Variants in TACC2 observed in about 807,000 individuals in gnomAD.
The protein encoded by TACC2 is transforming acidic coiled-coil containing protein 2.
In TACC2, 137 loss-of-function variants were observed where a neutral mutation model predicts 227.3. The observed-to-expected ratio is 0.60, with a 90% CI of 0.52 to 0.69. TACC2 has a LOEUF of 0.69. TACC2 is among the 30% of genes least tolerant of loss of function. The pLI, the probability that TACC2 is intolerant of heterozygous loss-of-function variation, is 0.00. For missense variants in TACC2, 3,470 were observed against 3,694.4 expected (o/e 0.94, Z 1.57); for synonymous variants, 1,523 against 1,487.5 (o/e 1.02, Z -0.55).
At chr10:122,197,280 A>C (rs2094604838) in intron 8 of TACC2, among the ~76,000 whole-genome samples, 6 of 152,120 alleles carry the variant, frequency 3.9e-5, no homozygotes, top group Admixed American at 3.9e-4. Context: ...AAACAAACAA[A>C]TGTTTAGAAG....
chr10:122,222,058 A>G (rs760072398), intron 11 of TACC2, among the ~76,000 whole-genome samples: 1 of 152,234 alleles, frequency 6.6e-6, no homozygotes, highest in Non-Finnish European at 1.5e-5. Flanking sequence ...CTCTTCAGCT[A>G]GGAGCAGCCA....
At chr10:122,248,570 G>A in intron 19 of TACC2, 73 bp from the exon 20 acceptor site, 2 of 1,581,532 alleles carry the variant, frequency 1.3e-6, no homozygotes, top group Non-Finnish European at 1.7e-6. Flanking sequence ...TGCATCTGAG[G>A]CCTCGGCTGG....
intron 18 of TACC2, chr10:122,241,700 C>A: frequency 1.8e-6 from 1 of 545,828 alleles, no homozygotes; most frequent in South Asian, 2.4e-5. Flanking sequence ...ATACCTGGGA[C>A]TGCAGGCATG....
At chr10:122,228,400 A>C (rs142453840) in intron 14 of TACC2, among the ~76,000 whole-genome samples, 1 of 152,064 alleles carries the variant, frequency 6.6e-6, no homozygotes, top group African/African-American at 2.4e-5. Flanking sequence ...TAGTGATGGG[A>C]ATTTCTCCTG....
chr10:122,155,085 T>C (rs1481211232), intron 7 of TACC2, among the ~76,000 whole-genome samples: 3 of 152,236 alleles, frequency 2.0e-5, no homozygotes, highest in Non-Finnish European at 4.4e-5. Context: ...CTGCTGTCTC[T>C]GTTCAAAATG....
chr10:122,219,018 CAAAAAAAA>C (rs61446434), intron 11 of TACC2, among the ~76,000 whole-genome samples: 1 of 74,684 alleles, frequency 1.3e-5, no homozygotes, highest in Non-Finnish European at 2.6e-5. Flanking sequence ...AGACTCGTCT[CAAAAAAAA>C]AAAAAAAAAG....
chr10:122,166,153 G>A (rs1592821107), intron 7 of TACC2, among the ~76,000 whole-genome samples: 1 of 152,174 alleles, frequency 6.6e-6, no homozygotes, highest in East Asian at 1.9e-4. Flanking sequence ...TGCCGCGGGG[G>A]ACAGCTCCTG....
chr10:122,001,626 G>A (rs539867882), intron 1 of TACC2, among the ~76,000 whole-genome samples: 62 of 152,240 alleles, frequency 4.1e-4, no homozygotes, highest in South Asian at 3.7e-3. Context: ...AAATAATTAC[G>A]TAATATTAAA....
intron 3 of TACC2, among the ~76,000 whole-genome samples, chr10:122,056,454 C>T (rs1299813309): frequency 3.3e-5 from 5 of 152,164 alleles, no homozygotes; most frequent in African/African-American, 4.8e-5. Context: ...GGATTACAGG[C>T]GTGAGCCACT....
intron 8 of TACC2, among the ~76,000 whole-genome samples, chr10:122,203,169 G>A (rs2094936707): frequency 6.6e-6 from 1 of 152,242 alleles, no homozygotes; most frequent in Admixed American, 6.5e-5. Flanking sequence ...TCAACGAGCT[G>A]CTGGGTACAC....
chr10:122,164,545 G>A (rs1793168109), intron 7 of TACC2, among the ~76,000 whole-genome samples: 1 of 152,226 alleles, frequency 6.6e-6, no homozygotes, highest in South Asian at 2.1e-4. Context: ...CCTGTCATTG[G>A]TGGAGGCAGT....
intron 7 of TACC2, among the ~76,000 whole-genome samples, chr10:122,146,134 G>A (rs1018033012): frequency 6.6e-6 from 1 of 152,152 alleles, no homozygotes; most frequent in African/African-American, 2.4e-5. Flanking sequence ...CACTTAGTCT[G>A]GGTAGCTGAG....
chr10:122,006,171 A>G (rs557132888), intron 1 of TACC2, among the ~76,000 whole-genome samples: 12 of 152,214 alleles, frequency 7.9e-5, no homozygotes, highest in African/African-American at 2.6e-4. Context: ...GATGCTGGCC[A>G]GGCACGGTGG....
intron 3 of TACC2, among the ~76,000 whole-genome samples, chr10:122,076,541 C>G (rs1394612204): frequency 6.6e-6 from 1 of 152,100 alleles, no homozygotes; most frequent in African/African-American, 2.4e-5. Flanking sequence ...ATCTTCTAAT[C>G]TTTTGAATTA....
chr10:122,056,208 C>T (rs923272473), intron 3 of TACC2, among the ~76,000 whole-genome samples: 7 of 152,308 alleles, frequency 4.6e-5, no homozygotes, highest in African/African-American at 1.7e-4. Context: ...GAGTTTTACT[C>T]TTGTCGCCCA....
intron 2 of TACC2, among the ~76,000 whole-genome samples, chr10:122,049,247 C>A (rs1001841736): frequency 2.0e-5 from 3 of 152,232 alleles, no homozygotes; most frequent in African/African-American, 4.8e-5. Context: ...TTGGCCCCAG[C>A]AGGGCTGCTC....
At chr10:122,021,197 C>G (rs958693531) in intron 1 of TACC2, among the ~76,000 whole-genome samples, 2 of 147,794 alleles carry the variant, frequency 1.4e-5, no homozygotes, top group Non-Finnish European at 3.0e-5. Flanking sequence ...CCACTGCACT[C>G]TAGCCTGGGC....
chr10:122,054,327 G>C (rs1313167618), intron 3 of TACC2, among the ~76,000 whole-genome samples: 2 of 152,202 alleles, frequency 1.3e-5, no homozygotes, highest in Non-Finnish European at 2.9e-5. Flanking sequence ...GAGGGAGAAT[G>C]ATCCTAGCCT....
At chr10:122,252,869 C>T (rs1056045733) in intron 22 of TACC2, among the ~76,000 whole-genome samples, 1 of 152,132 alleles carries the variant, frequency 6.6e-6, no homozygotes, top group Non-Finnish European at 1.5e-5. Context: ...CATTTCAGTG[C>T]CTCTCTCGAG....
Sources: allele counts gnomAD v4.1 joint callset (sites outside exome capture counted in the v4.1 genomes callset), GRCh38; gene constraint gnomAD v4.1.1; transcripts MANE v1.5; gene names NCBI Gene and HGNC (gene_info 2026-07-23, HGNC 2026-07-21).